DGCR2: variants seen among roughly 807,000 people sequenced by gnomAD.
The protein encoded by DGCR2 is integral membrane protein DGCR2/IDD.
Under a neutral mutation model 51.6 loss-of-function variants are expected in DGCR2, and 24 were observed. The ratio of observed to expected loss-of-function variants is 0.47; its 90% confidence interval spans 0.34 to 0.65. The LOEUF (loss-of-function observed/expected upper bound fraction) is 0.65. Ranked by LOEUF, DGCR2 falls within the 30% of genes least tolerant of loss-of-function variation. The probability of loss-of-function intolerance (pLI) is 0.01; values close to 1 mark genes in which losing one functional copy is unlikely to be tolerated. For missense variants in DGCR2, 765 were observed against 772.1 expected, an observed-to-expected ratio of 0.99 and a Z score of 0.11; for synonymous variants, 340 against 315.4, an observed-to-expected ratio of 1.08 and a Z score of -0.82.
rs760396560 is a variant in DGCR2 at position 19,041,893 on chromosome 22, A to G, written c.1073T>C (p.Phe358Ser). ...MRLVVSCISSFLILSLLLFMV... is the reference protein window; with the variant it reads ...MRLVVSCISSSLILSLLLFMV... ...GAAGAGCAGCAGTGACAGGATGAGG[A>G]AGGAGGAGATGCAGCTGACGACCAG... Residue 358 changes from phenylalanine to serine, a missense_variant, in exon 8 of 10, where the codon TTC becomes TCC. By Grantham distance (155) the Phe-to-Ser change is radical. Around this residue, in one of 3 missense-constraint regions of DGCR2, gnomAD observed 190 missense variants for 265.2 expected, o/e 0.72. Transcript: ENST00000263196. 6.2e-7 allele frequency: 1 copy of G among 1,613,654 alleles called. No individual in the cohort carries two copies. The highest frequency in any genetic ancestry group is 1.1e-5 in the South Asian group (1 of 91,072).
chr22:19,062,779 A>ATT, intron 5 of DGCR2, among the ~76,000 whole-genome samples: 22 of 127,432 alleles, frequency 1.7e-4, no homozygotes, highest in South Asian at 2.9e-4. Context: ...ATGCATGCTC[A>ATT]CTCTCTCTCT....
At chr22:19,087,430 C>T (rs1204488964) in intron 2 of DGCR2, among the ~76,000 whole-genome samples, 1 of 152,176 alleles carries the variant, frequency 6.6e-6, no homozygotes, top group Admixed American at 6.5e-5. Context: ...CACTCTGTCG[C>T]CCAGGCTGGA....
chr22:19,075,256 T>C (rs1201592073), intron 2 of DGCR2, among the ~76,000 whole-genome samples: 3 of 151,920 alleles, frequency 2.0e-5, no homozygotes, highest in African/African-American at 4.8e-5. Context: ...TGAAACCCCA[T>C]CTCTACTAAA....
rs1175808650 is a variant in DGCR2 at position 19,041,047 on chromosome 22, G to A, written c.1396+11C>T. Reference sequence around the variant, plus strand: ...TGACAAGGTGTTCCCTCTCCCTGGGGAGTCAGGCACCTGCAGGGTCATAGA... The same window carrying A: ...TGACAAGGTGTTCCCTCTCCCTGGGAAGTCAGGCACCTGCAGGGTCATAGA... On this transcript the variant is annotated intron_variant, in intron 9 of 9. Transcript: ENST00000263196. 1.3e-6 allele frequency: 2 copies of A among 1,572,324 alleles called. No individual in the cohort carries two copies. The highest frequency in any genetic ancestry group is 2.3e-5 in the East Asian group (1 of 44,324).
At position 19,042,045 on chromosome 22, in the gene DGCR2, C is replaced by T. The variant is rs763682904; in HGVS notation, c.1007-86G>A. The T allele has an allele frequency of 3.1e-4, 463 of 1,486,922 alleles. 1 individual carries two copies. Among genetic ancestry groups the T allele is most frequent in the Middle Eastern group, 2.4e-4 (1 of 4,172 alleles). The allele number at this position is 1,486,922 out of a possible 1,614,324, so 92.1% of individuals were successfully genotyped here. On this transcript the variant is annotated intron_variant, in intron 7 of 9. Transcript: ENST00000263196. ...GGATGCTGTCGTCCTCCTGCCCAGG[C>T]GGGCTGTGTGGACAAGGCACACAGT...
chr22:19,069,608 A>G (rs2082791066), intron 2 of DGCR2, among the ~76,000 whole-genome samples: 1 of 152,204 alleles, frequency 6.6e-6, no homozygotes, highest in Non-Finnish European at 1.5e-5. Flanking sequence ...AGCTTTCTAT[A>G]TTTTTAAATG....
chr22:19,057,575 T>G lies in DGCR2; in HGVS notation c.626-413A>C, dbSNP rs1403607968. Reference sequence around the variant, plus strand: ...GGAAACAGGCAGGGAAGCTCTCCCTTAGGACAGCACACTCAGATAAACAGA... The same window carrying G: ...GGAAACAGGCAGGGAAGCTCTCCCTGAGGACAGCACACTCAGATAAACAGA... On this transcript the variant is annotated intron_variant, in intron 5 of 9. Coordinates refer to ENST00000263196, the MANE Select transcript of DGCR2 (RefSeq NM_005137.3). This position sits in a 1 kb window ranked among gnomAD's most constrained non-coding sequence, Gnocchi z 5.1. Among the ~76,000 whole-genome samples the G allele has an allele frequency of 6.6e-6, 1 of 152,168 alleles. No individual in the cohort carries two copies. Among genetic ancestry groups the G allele is most frequent in the East Asian group, 1.9e-4 (1 of 5,196 alleles).
intron 7 of DGCR2, chr22:19,046,856 G>A: frequency 3.5e-6 from 1 of 289,266 alleles, no homozygotes; most frequent in South Asian, 2.5e-5. Flanking sequence ...AGGCTCTTTA[G>A]GCCATACATG....
At position 19,068,301 on chromosome 22, in the gene DGCR2, C is replaced by T. The variant is rs546724885; in HGVS notation, c.203-76G>A. ...TCTCCCTGGCCAGCATGGTTCAGAC[C>T]ACTCAGGGCTGCAAGGCCGGAGGGG... On this transcript the variant is annotated intron_variant, in intron 2 of 9. Transcript: ENST00000263196. 8 of 1,430,122 alleles carry T rather than the reference C, an allele frequency of 5.6e-6. No homozygotes were observed. In the African/African-American group the frequency reaches 1.0e-4, roughly 18 times the overall value. 88.6% of individuals were successfully genotyped at this position (1,430,122 alleles called of 1,614,324 possible). A position where few individuals can be genotyped will look rare whatever the true frequency, so the allele number is the denominator to read the frequency against.
intron 6 of DGCR2, among the ~76,000 whole-genome samples, chr22:19,054,358 T>C (rs2082579203): frequency 6.6e-6 from 1 of 152,208 alleles, no homozygotes; most frequent in African/African-American, 2.4e-5. Flanking sequence ...GGTGAGTCTG[T>C]GTAAATGGTG....
intron 7 of DGCR2, chr22:19,048,021 C>T (rs1011196424): frequency 8.4e-6 from 2 of 238,276 alleles, no homozygotes; most frequent in Non-Finnish European, 1.7e-5. Context: ...GGCGAAACCC[C>T]GTCTCTACTA....
At chr22:19,041,495 C>A in intron 8 of DGCR2, 1 of 609,004 alleles carries the variant, frequency 1.6e-6, no homozygotes, top group Non-Finnish European at 2.9e-6. Flanking sequence ...CTCACCACAC[C>A]AACCTGTCCC....
chr22:19,085,595 C>T (rs2083005965), intron 2 of DGCR2, among the ~76,000 whole-genome samples: 4 of 152,220 alleles, frequency 2.6e-5, no homozygotes, highest in Admixed American at 1.3e-4. Context: ...CTGAAACCCA[C>T]GGACAAGCCC....
rs1367416201 is a variant in DGCR2, at chr22:19,036,329, C to T, written c.*2536G>A. 1 of 152,568 alleles carries T rather than the reference C, an allele frequency of 6.6e-6. No homozygotes were observed. The highest frequency in any genetic ancestry group is 1.5e-5 in the Non-Finnish European group (1 of 68,048). 9.5% of individuals were successfully genotyped at this position (152,568 alleles called of 1,614,324 possible). A position where few individuals can be genotyped will look rare whatever the true frequency, so the allele number is the denominator to read the frequency against. The stretch of plus-strand genomic sequence containing the variant: ...TTTGGCATTTGGATGAAATGATTCT[C>T]ACAGCATCTTAAGAAAAGTTAGTGT... On this transcript the variant is annotated 3_prime_UTR_variant, in exon 10 of 10. Transcript: ENST00000263196.
chr22:19,065,570 T>C (rs535306513), intron 3 of DGCR2, among the ~76,000 whole-genome samples: 1 of 152,288 alleles, frequency 6.6e-6, no homozygotes, highest in South Asian at 2.1e-4. Flanking sequence ...CATGACACTG[T>C]GTGACCCGCC....
intron 2 of DGCR2, among the ~76,000 whole-genome samples, chr22:19,076,191 T>C (rs5993503): frequency 0.49 from 74,117 of 151,010 alleles, 19,293 homozygotes; most frequent in African/African-American, 0.68. Flanking sequence ...GAAGGAGTCT[T>C]GTCCTGTCAC....
chr22:19,039,218 G>C (rs1156896842), intron 9 of DGCR2, 97 bp from the exon 10 acceptor site: 1 of 1,488,908 alleles, frequency 6.7e-7, no homozygotes, highest in Non-Finnish European at 9.1e-7. Flanking sequence ...CCTCCTGCCT[G>C]AAGGCCCCCC....
chr22:19,117,431 T>C (rs1306373830), intron 1 of DGCR2, among the ~76,000 whole-genome samples: 1 of 152,196 alleles, frequency 6.6e-6, no homozygotes, highest in Non-Finnish European at 1.5e-5. Flanking sequence ...CCTGCACCCA[T>C]GAGACCTTCC....
chr22:19,114,025 C>A, intron 1 of DGCR2, among the ~76,000 whole-genome samples: 1 of 144,734 alleles, frequency 6.9e-6, no homozygotes, highest in Admixed American at 7.1e-5. Context: ...CACCACTGCA[C>A]TCCAGCCTGG....
Sources: allele counts gnomAD v4.1 joint callset (sites outside exome capture counted in the v4.1 genomes callset), GRCh38; gene constraint gnomAD v4.1.1; regional missense constraint gnomAD v4.1.1; non-coding constraint Gnocchi (gnomAD v3.1); transcripts MANE v1.5; gene names NCBI Gene and HGNC (gene_info 2026-07-23, HGNC 2026-07-21).